NT5C3B: variants seen among roughly 807,000 people sequenced by gnomAD.
NT5C3B encodes 5'-nucleotidase, cytosolic IIIB.
A neutral mutation model predicts 32.5 loss-of-function variants in NT5C3B; 28 were observed. That is an observed-to-expected ratio of 0.86 (90% CI 0.64 to 1.18). The LOEUF (loss-of-function observed/expected upper bound fraction) is 1.18. NT5C3B is among the 50% of genes most tolerant of loss of function. NT5C3B has a pLI of 0.00. For missense variants in NT5C3B, 317 were observed against 322.0 expected (o/e 0.98, Z 0.12); for synonymous variants, 138 against 118.0 (o/e 1.17, Z -1.10).
At chr17:41,833,211 G>A (rs2048081339) in intron 4 of NT5C3B, among the ~76,000 whole-genome samples, 1 of 152,148 alleles carries the variant, frequency 6.6e-6, no homozygotes, top group African/African-American at 2.4e-5. Flanking sequence ...ACTTAATGCT[G>A]TGTTTCCCAG....
At chr17:41,834,158 G>A (rs896909243) in intron 4 of NT5C3B, among the ~76,000 whole-genome samples, 10 of 152,082 alleles carry the variant, frequency 6.6e-5, no homozygotes, top group Non-Finnish European at 1.2e-4. Flanking sequence ...CACTTTGGGA[G>A]GCCAAGGCGG....
chr17:41,829,168 C>T (rs1365532185), intron 6 of NT5C3B, among the ~76,000 whole-genome samples: 2 of 152,110 alleles, frequency 1.3e-5, no homozygotes, highest in East Asian at 3.9e-4. Context: ...ACCACAGGTG[C>T]ATGCCACCAC....
Position 41,828,901 on chromosome 17 carries a change from A to T in NT5C3B, c.456T>A (p.Leu152=). ...FNTLYHNNIP[L]FIFSAGIGDI... is the part of the protein sequence containing the mutation. ...CACCAATGCCCGCAGAAAAGATGAAAAGGGGAATGTTGTTATGGTAGAGTG... is the reference window on the plus strand; with the variant it reads ...CACCAATGCCCGCAGAAAAGATGAATAGGGGAATGTTGTTATGGTAGAGTG... Residue 152 remains leucine, a synonymous_variant, in exon 7 of 9, where the codon CTT becomes CTA. Transcript: ENST00000435506. The T allele has an allele frequency of 6.2e-7, 1 of 1,614,046 alleles. No homozygotes were observed. Among genetic ancestry groups the T allele is most frequent in the Non-Finnish European group, 8.5e-7 (1 of 1,179,902 alleles).
chr17:41,830,120 G>A (rs1247982727), intron 6 of NT5C3B, among the ~76,000 whole-genome samples: 3 of 152,104 alleles, frequency 2.0e-5, no homozygotes, highest in Non-Finnish European at 2.9e-5. Context: ...AGTGAAGGCC[G>A]CCAACGATCA....
chr17:41,834,189 AGTTCGAGATCAGCCT>A, intron 4 of NT5C3B, among the ~76,000 whole-genome samples: 1 of 151,948 alleles, frequency 6.6e-6, no homozygotes, highest in Non-Finnish European at 1.5e-5. Flanking sequence ...TGAGGTTGGG[AGTTCGAGATCAGCCT>A]GACCAACATG....
At chr17:41,831,032 AGGGT>A in intron 5 of NT5C3B, 142 bp from the exon 6 acceptor site, 1 of 657,372 alleles carries the variant, frequency 1.5e-6, no homozygotes, top group East Asian at 2.7e-5. Context: ...TAAAAGGAAG[AGGGT>A]GGCCGGGCAC....
chr17:41,830,507 TGAGAAGAGAA>T (rs376680232), intron 6 of NT5C3B, among the ~76,000 whole-genome samples: 4 of 151,800 alleles, frequency 2.6e-5, no homozygotes, highest in East Asian at 3.9e-4. Flanking sequence ...GATTCTGTCT[TGAGAAGAGAA>T]GAGAAGAGAA....
intron 2 of NT5C3B, 186 bp from the exon 3 acceptor site, chr17:41,835,458 C>T: frequency 3.1e-6 from 2 of 649,158 alleles, no homozygotes; most frequent in East Asian, 2.7e-5. Context: ...TACCCGTTAA[C>T]CCTGAGGAAA....
intron 4 of NT5C3B, among the ~76,000 whole-genome samples, chr17:41,833,925 C>T (rs1483794665): frequency 6.6e-6 from 1 of 152,074 alleles, no homozygotes; most frequent in Non-Finnish European, 1.5e-5. Flanking sequence ...TGAGAATTGA[C>T]CAAGTAAAGA....
rs1555618645 is a variant in NT5C3B at position 41,828,942 on chromosome 17, T to C, written c.415A>G (p.Lys139Glu). 6.2e-7 allele frequency: 1 copy of C among 1,609,018 alleles called. No homozygotes were observed. The highest frequency in any genetic ancestry group is 1.3e-5 in the African/African-American group (1 of 74,850). Reference sequence around the variant, plus strand: ...TGGTAGAGTGTGTTGAAGAAGGTCTTATATCCCTCCCTGAAAAGAGATGGA... The same window carrying C: ...TGGTAGAGTGTGTTGAAGAAGGTCTCATATCCCTCCCTGAAAAGAGATGGA... ...ESNAMLREGY[K>E]TFFNTLYHNN... Residue 139 changes from lysine (K) to glutamate (E), a missense_variant, in exon 7 of 9, where the codon AAG becomes GAG. Coordinates refer to ENST00000435506, the MANE Select transcript of NT5C3B (RefSeq NM_052935.5).
At chr17:41,835,678 G>C (rs987986579) in intron 2 of NT5C3B, 181 bp downstream of exon 2, 1 of 724,188 alleles carries the variant, frequency 1.4e-6, no homozygotes, top group Admixed American at 2.0e-5. Context: ...ACCATATTGA[G>C]AAATCTGAAA....
chr17:41,830,402 G>A (rs1836878), intron 6 of NT5C3B, among the ~76,000 whole-genome samples: 109,552 of 151,974 alleles, frequency 0.72, 40,001 homozygotes, highest in Admixed American at 0.83. Context: ...CAGCTTACTC[G>A]GGAGGCTGAG....
chr17:41,827,313 T>TA lies in NT5C3B; in HGVS notation c.768+112dup, dbSNP rs1555618327. The TA allele has an allele frequency of 7.2e-5, 35 of 483,004 alleles. 1 individual carries two copies. Among genetic ancestry groups the TA allele is most frequent in the Middle Eastern group, 5.8e-4 (1 of 1,726 alleles). The allele number at this position is 483,004 out of a possible 1,614,324, so 29.9% of individuals were successfully genotyped here. A position where few individuals can be genotyped will look rare whatever the true frequency, so the allele number is the denominator to read the frequency against. On this transcript the variant is annotated intron_variant, in intron 8 of 8. Transcript: ENST00000435506. ...GACCCCGTCTCAAAAAAAAATAAAA[T>TA]AAAATAAAATAAAAATAGAAATAAA...
In NT5C3B at chr17:41,826,808, G is replaced by A. The variant is rs961418128; in HGVS notation, c.768+618C>T. ...CTGAGGTCGGGAGTTCGAGACCAGCGTGACCAACGTGGAGAAACCCCGTCT... is the reference window on the plus strand; with the variant it reads ...CTGAGGTCGGGAGTTCGAGACCAGCATGACCAACGTGGAGAAACCCCGTCT... On this transcript the variant is annotated intron_variant, in intron 8 of 8. Coordinates refer to ENST00000435506, the MANE Select transcript of NT5C3B (RefSeq NM_052935.5). Among the ~76,000 whole-genome samples, 27 of 152,050 alleles carry A rather than the reference G, an allele frequency of 1.8e-4. No individual in the cohort carries two copies. In the South Asian group the frequency reaches 3.5e-3, roughly 20 times the overall value.
intron 1 of NT5C3B, 104 bp from the exon 2 acceptor site, chr17:41,836,061 G>T: frequency 1.0e-5 from 14 of 1,399,362 alleles, no homozygotes; most frequent in Non-Finnish European, 1.3e-5. Flanking sequence ...CGGGGTGCGC[G>T]AGGGGGCGGC....
intron 8 of NT5C3B, among the ~76,000 whole-genome samples, chr17:41,826,091 G>A (rs1226060178): frequency 1.3e-5 from 2 of 151,666 alleles, no homozygotes; most frequent in African/African-American, 4.9e-5. Flanking sequence ...AGGAAATTAA[G>A]GCTACAGTGA....
chr17:41,829,547 G>T (rs1209112788), intron 6 of NT5C3B, among the ~76,000 whole-genome samples: 1 of 152,132 alleles, frequency 6.6e-6, no homozygotes, highest in East Asian at 1.9e-4. Context: ...GCCTGTCCTT[G>T]AACTTCATAT....
intron 8 of NT5C3B, among the ~76,000 whole-genome samples, chr17:41,826,268 G>C (rs1166513783): frequency 6.6e-6 from 1 of 151,882 alleles, no homozygotes; most frequent in Admixed American, 6.6e-5. Context: ...CTGCTGCGTA[G>C]GCTGAAGTGC....
intron 6 of NT5C3B, among the ~76,000 whole-genome samples, 186 bp from the exon 7 acceptor site, chr17:41,829,138 C>T (rs2048012220): frequency 6.6e-6 from 1 of 152,132 alleles, no homozygotes; most frequent in Non-Finnish European, 1.5e-5. Flanking sequence ...CCACCCGCCT[C>T]AACCTCCCAA....
Sources: allele counts gnomAD v4.1 joint callset (sites outside exome capture counted in the v4.1 genomes callset), GRCh38; gene constraint gnomAD v4.1.1; transcripts MANE v1.5; gene names NCBI Gene and HGNC (gene_info 2026-07-23, HGNC 2026-07-21).